CSMD3: variants seen among roughly 807,000 people sequenced by gnomAD.
CSMD3 encodes the protein CUB and sushi domain-containing protein 3.
Under a neutral mutation model 435.2 loss-of-function variants are expected in CSMD3, and 177 were observed. That is an observed-to-expected ratio of 0.41 (90% CI 0.36 to 0.46). The LOEUF (loss-of-function observed/expected upper bound fraction) is 0.46. Among genes scored for constraint, CSMD3 ranks in the 20% least tolerant of loss-of-function variants. CSMD3 has a pLI of 0.34. For synonymous variants in CSMD3, 1,656 were observed against 1,520.5 expected (o/e 1.09, Z -2.07); for missense variants, 4,265 against 4,504.6 (o/e 0.95, Z 1.52).
At chr8:113,073,370 G>T (rs1312980405) in intron 5 of CSMD3, among the ~76,000 whole-genome samples, 2 of 151,666 alleles carry the variant, frequency 1.3e-5, no homozygotes, top group Non-Finnish European at 3.0e-5. Flanking sequence ...TTGATAAAAA[G>T]AGTAGGTTTC....
chr8:112,371,889 CA>C (rs1002998679), intron 38 of CSMD3, among the ~76,000 whole-genome samples: 17 of 147,060 alleles, frequency 1.2e-4, no homozygotes, highest in Non-Finnish European at 2.1e-4. Flanking sequence ...GACTCTGTCT[CA>C]AAAAAAAACC....
At chr8:113,349,580 G>C (rs977569414) in intron 1 of CSMD3, among the ~76,000 whole-genome samples, 4 of 152,008 alleles carry the variant, frequency 2.6e-5, no homozygotes, top group African/African-American at 9.7e-5. Flanking sequence ...CCAGGAGTTT[G>C]ACACTAGCTT....
chr8:112,957,095 C>T (rs1453153467), intron 7 of CSMD3, among the ~76,000 whole-genome samples: 1 of 151,568 alleles, frequency 6.6e-6, no homozygotes, highest in Non-Finnish European at 1.5e-5. Context: ...ATAAATATTG[C>T]AAGTATTAAT....
chr8:112,488,652 C>T (rs936663036), intron 31 of CSMD3, among the ~76,000 whole-genome samples: 1 of 152,068 alleles, frequency 6.6e-6, no homozygotes, highest in Non-Finnish European at 1.5e-5. Context: ...GGCCAGTCAC[C>T]TAATTCTCAA....
At chr8:113,082,711 G>A (rs750964476) in intron 5 of CSMD3, among the ~76,000 whole-genome samples, 4 of 152,002 alleles carry the variant, frequency 2.6e-5, no homozygotes, top group Non-Finnish European at 4.4e-5. Context: ...TAAAAATCAG[G>A]AAAACAATTC....
chr8:113,007,577 G>T (rs1365903478), intron 6 of CSMD3, among the ~76,000 whole-genome samples: 4 of 151,900 alleles, frequency 2.6e-5, no homozygotes, highest in African/African-American at 7.2e-5. Flanking sequence ...CTCAAGAACT[G>T]TAAGATATAT....
At chr8:112,525,496 G>A (rs911022369) in intron 27 of CSMD3, among the ~76,000 whole-genome samples, 5 of 149,686 alleles carry the variant, frequency 3.3e-5, no homozygotes, top group East Asian at 3.9e-4. Flanking sequence ...CGAGGCGGGC[G>A]GATCACGAGG....
rs372834458 is a variant in CSMD3, at chr8:113,372,803, G to A, written c.179-58010C>T. 8.6e-3 allele frequency among the ~76,000 whole-genome samples: 1,314 copies of A among 151,930 alleles called. 14 individuals are homozygous for A. The highest frequency in any genetic ancestry group is 0.025 in the East Asian group (128 of 5,142). ...CAAAAAATTAGCCGGGCGTGGTGGC[G>A]GGCGCCTGTAGTCCCAGCTACTCGG... On this transcript the variant is annotated intron_variant, in intron 1 of 70. Transcript: ENST00000297405.
At chr8:112,495,608 T>C (rs1449485974) in intron 30 of CSMD3, among the ~76,000 whole-genome samples, 1 of 152,172 alleles carries the variant, frequency 6.6e-6, no homozygotes, top group Non-Finnish European at 1.5e-5. Flanking sequence ...ACATATGCCA[T>C]AGCAATTACA....
chr8:113,040,108 G>T (rs2087542127), intron 5 of CSMD3, among the ~76,000 whole-genome samples: 2 of 152,154 alleles, frequency 1.3e-5, no homozygotes, highest in Admixed American at 1.3e-4. Flanking sequence ...GTCTGAGAAA[G>T]ACCTGTCTGA....
intron 10 of CSMD3, among the ~76,000 whole-genome samples, chr8:112,864,593 G>T (rs1042895820): frequency 3.3e-5 from 5 of 151,774 alleles, no homozygotes; most frequent in Non-Finnish European, 5.9e-5. Context: ...CAATTCAAAT[G>T]GAAAGGTCCA....
chr8:112,912,666 T>C lies in CSMD3; in HGVS notation c.1633+8961A>G, dbSNP rs75821597. 2.1e-4 allele frequency among the ~76,000 whole-genome samples: 32 copies of C among 152,082 alleles called. No individual in the cohort carries two copies. In the East Asian group the frequency reaches 6.2e-3, roughly 30 times the overall value. On this transcript the variant is annotated intron_variant, in intron 10 of 70. Coordinates refer to ENST00000297405, the MANE Select transcript of CSMD3 (RefSeq NM_198123.2). ...TGACATTAGTGTGGCAGCGATTTCC[T>C]GTATATGACCCCAAAAGCATAGGCA...
intron 2 of CSMD3, among the ~76,000 whole-genome samples, chr8:113,288,633 A>G (rs954690577): frequency 2.6e-5 from 4 of 151,904 alleles, no homozygotes; most frequent in African/African-American, 9.7e-5. Context: ...CAATTAATCA[A>G]TTTAAATATA....
chr8:113,207,800 G>A (rs573517614), intron 3 of CSMD3, among the ~76,000 whole-genome samples: 18 of 152,194 alleles, frequency 1.2e-4, no homozygotes, highest in African/African-American at 3.9e-4. Context: ...GAGGATCCAG[G>A]CAAAGATAAA....
At chr8:112,897,277 C>T (rs895677516) in intron 10 of CSMD3, among the ~76,000 whole-genome samples, 2 of 151,348 alleles carry the variant, frequency 1.3e-5, no homozygotes, top group Non-Finnish European at 3.0e-5. Flanking sequence ...GAGACCATGT[C>T]CATTATTTGT....
At chr8:112,908,028 CATG>C (rs2082309880) in intron 10 of CSMD3, among the ~76,000 whole-genome samples, 1 of 151,316 alleles carries the variant, frequency 6.6e-6, no homozygotes, top group Admixed American at 6.6e-5. Flanking sequence ...AAACAAAAAA[CATG>C]ATAATATTAG....
At chr8:112,422,727 TG>T (rs1291850352) in intron 32 of CSMD3, among the ~76,000 whole-genome samples, 1 of 152,226 alleles carries the variant, frequency 6.6e-6, no homozygotes, top group Non-Finnish European at 1.5e-5. Flanking sequence ...CCATATTCTG[TG>T]GCATTTCTAG....
intron 3 of CSMD3, among the ~76,000 whole-genome samples, chr8:113,244,860 G>A (rs552785798): frequency 5.5e-4 from 83 of 151,398 alleles, no homozygotes; most frequent in Non-Finnish European, 8.3e-4. Flanking sequence ...TTCATATTTT[G>A]CCTTGTTGTT....
chr8:112,928,891 T>C, intron 9 of CSMD3, among the ~76,000 whole-genome samples: 1 of 140,334 alleles, frequency 7.1e-6, no homozygotes, highest in Non-Finnish European at 1.6e-5. Flanking sequence ...TGAACTAGTT[T>C]ACAGTCCCAC....
Sources: gnomAD v4.1 joint callset for allele counts (sites outside exome capture counted in the v4.1 genomes callset) on GRCh38, gnomAD v4.1.1 for gene constraint, MANE v1.5 for transcripts, NCBI Gene and HGNC (gene_info 2026-07-23, HGNC 2026-07-21) for gene names.